The following CKAP5 variants were observed in gnomAD, a reference collection of about 807,000 sequenced individuals.
CKAP5 encodes the protein cytoskeleton-associated protein 5.
Under a neutral mutation model 232.8 loss-of-function variants are expected in CKAP5, and 27 were observed. The ratio of observed to expected loss-of-function variants is 0.12; its 90% CI spans 0.09 to 0.16. CKAP5 has a LOEUF of 0.16. Ranked by LOEUF, CKAP5 falls within the 10% of genes least tolerant of loss-of-function variation. The pLI, the probability that CKAP5 is intolerant of heterozygous loss-of-function variation, is 1.00. For missense variants in CKAP5, 1,838 were observed against 2,424.7 expected (o/e 0.76, Z 5.08); for synonymous variants, 785 against 841.1 (o/e 0.93, Z 1.16).
At chr11:46,812,405 C>G (rs964123787) in intron 4 of CKAP5, among the ~76,000 whole-genome samples, 1 of 152,094 alleles carries the variant, frequency 6.6e-6, no homozygotes, top group Non-Finnish European at 1.5e-5. Flanking sequence ...TTTTCAAGTT[C>G]CCAACTGGCC....
Position 46,744,590 on chromosome 11 carries a change from A to T in CKAP5, c.5705-13T>A, listed in dbSNP as rs566141257. The T allele has an allele frequency of 1.2e-5, 19 of 1,612,248 alleles. No homozygotes were observed. The highest frequency in any genetic ancestry group is 4.5e-5 in the East Asian group (2 of 44,848). On this transcript the variant is annotated splice_polypyrimidine_tract_variant and intron_variant, in intron 42 of 43. Transcript: ENST00000529230. ...TGAGGGGAGATGCCTAGAGGGGAAA[A>T]AGTAGAAAGAATATTCAGATATCCA... is the stretch of plus-strand genomic sequence containing the variant.
intron 35 of CKAP5, among the ~76,000 whole-genome samples, chr11:46,757,869 A>G (rs924205819): frequency 2.0e-5 from 3 of 146,414 alleles, no homozygotes; most frequent in South Asian, 2.1e-4. Flanking sequence ...TACAGGTGTG[A>G]GCCACCACAC....
At chr11:46,789,964 C>T (rs1284047752) in intron 15 of CKAP5, 112 bp downstream of exon 15, 11 of 639,870 alleles carry the variant, frequency 1.7e-5, no homozygotes, top group Non-Finnish European at 2.8e-5. Flanking sequence ...TGCCATAAAA[C>T]GTGTTCACCG....
At chr11:46,787,223 T>C (rs1431352751) in intron 16 of CKAP5, among the ~76,000 whole-genome samples, 1 of 152,122 alleles carries the variant, frequency 6.6e-6, no homozygotes, top group Non-Finnish European at 1.5e-5. Flanking sequence ...ATTTAGCCTT[T>C]GTGGAGCTGG....
In CKAP5 at chr11:46,763,184, A is replaced by G; in HGVS notation, c.3688-5T>C. On this transcript the variant is annotated splice_region_variant and splice_polypyrimidine_tract_variant and intron_variant, in intron 29 of 43. Coordinates refer to ENST00000529230, the MANE Select transcript of CKAP5 (RefSeq NM_001008938.4). ...TTCTTTTTCACTCTCCAAGTGCTTA[A>G]AATAAAACAAAACAAAACTCCCACA... 1 of 1,579,866 alleles carries G rather than the reference A, an allele frequency of 6.3e-7. No homozygotes were observed. The highest frequency in any genetic ancestry group is 8.6e-7 in the Non-Finnish European group (1 of 1,158,866).
At chr11:46,769,507 G>A (rs1389140937) in intron 26 of CKAP5, among the ~76,000 whole-genome samples, 2 of 151,970 alleles carry the variant, frequency 1.3e-5, no homozygotes, top group Non-Finnish European at 1.5e-5. Context: ...ACCAACCTGC[G>A]CATCACAACA....
intron 16 of CKAP5, among the ~76,000 whole-genome samples, chr11:46,787,194 C>T (rs2065402828): frequency 6.6e-6 from 1 of 152,070 alleles, no homozygotes; most frequent in Non-Finnish European, 1.5e-5. Context: ...AAGAGGGCAC[C>T]TCAAGAATCT....
rs568561820 is a variant in CKAP5 at position 46,755,125 on chromosome 11, A to G, written c.4690-58T>C. On this transcript the variant is annotated intron_variant, in intron 35 of 43. Transcript: ENST00000529230. ...AGCTTCATACTTCTAAAATAGCGGA[A>G]GACACTATATGAAACTTCTCCATAA... The G allele has an allele frequency of 2.9e-6, 4 of 1,364,810 alleles. No homozygotes were observed. In the South Asian group the frequency reaches 5.7e-5, roughly 19 times the overall value. 84.5% of individuals were successfully genotyped at this position (1,364,810 alleles called of 1,614,324 possible).
chr11:46,751,632 T>C, intron 38 of CKAP5, 98 bp from the exon 39 acceptor site: 2 of 1,010,160 alleles, frequency 2.0e-6, no homozygotes, highest in Admixed American at 2.4e-5. Context: ...TTCTAAAAGA[T>C]GGCCAGGGCT....
intron 8 of CKAP5, chr11:46,802,151 C>T (rs986105565): frequency 6.6e-6 from 1 of 152,216 alleles, no homozygotes; most frequent in Admixed American, 6.5e-5. Flanking sequence ...GCTGCCACTT[C>T]AGTCATCTAA....
intron 42 of CKAP5, 58 bp from the exon 43 acceptor site, chr11:46,744,635 G>A: frequency 6.6e-7 from 1 of 1,509,386 alleles, no homozygotes; most frequent in Admixed American, 1.9e-5. Context: ...CTTCTAAAGT[G>A]CCTTGGTTAA....
chr11:46,779,546 G>C (rs2065321251), intron 20 of CKAP5, among the ~76,000 whole-genome samples: 1 of 152,162 alleles, frequency 6.6e-6, no homozygotes, highest in African/African-American at 2.4e-5. Context: ...GCCCAGGCTG[G>C]AGTGCAGTGG....
intron 4 of CKAP5, 108 bp downstream of exon 4, chr11:46,816,090 C>T (rs1939392804): frequency 3.5e-6 from 3 of 864,756 alleles, no homozygotes; most frequent in African/African-American, 1.7e-5. Context: ...CCCATCCCCC[C>T]AACACACAAT....
chr11:46,765,231 C>T lies in CKAP5; in HGVS notation c.3437G>A (p.Ser1146Asn), dbSNP rs1258263175. The change falls in exon 28 of 44, where the codon AGC (serine) becomes AAC (asparagine). Residue 1146 changes from serine (S) to asparagine (N), a missense_variant. By Grantham distance (46) the Ser-to-Asn change is conservative (BLOSUM62 1). This residue lies in a region of CKAP5 where 767 missense variants were observed against 954.6 expected (regional missense o/e 0.80). Transcript: ENST00000529230. ...AKSAQGKKMP[S>N]KTSLKEDEDK... Reference sequence around the variant, plus strand: ...TTCATCCTCCTTTAAGCTGGTTTTGCTTGGCATCTTCTTCCCTTGTGCACT... The same window carrying T: ...TTCATCCTCCTTTAAGCTGGTTTTGTTTGGCATCTTCTTCCCTTGTGCACT... 1 of 1,612,248 alleles carries T rather than the reference C, an allele frequency of 6.2e-7. No homozygotes were observed. The highest frequency in any genetic ancestry group is 8.5e-7 in the Non-Finnish European group (1 of 1,179,350).
intron 42 of CKAP5, among the ~76,000 whole-genome samples, chr11:46,746,892 T>A (rs897713403): frequency 3.3e-5 from 5 of 152,178 alleles, no homozygotes. Flanking sequence ...TTTGGGAGGC[T>A]GAGGTGGGGG....
At position 46,795,695 on chromosome 11, in the gene CKAP5, G is replaced by C; in HGVS notation, c.1549C>G (p.Leu517Val). The change falls in exon 13 of 44, where the codon CTG (leucine) becomes GTG (valine). Residue 517 changes from leucine (L) to valine (V), a missense_variant. Around this residue, in one of 6 missense-constraint regions of CKAP5, gnomAD observed 767 missense variants for 954.6 expected, o/e 0.80. Coordinates refer to ENST00000529230, the MANE Select transcript of CKAP5 (RefSeq NM_001008938.4). ...CCTGAAGCAGCAGTCCTTCCAGGCA[G>C]AGGTTTGAATTCCTTCTTATCAGCA... ...LAADKKEFKP[L>V]PGRTAASGAA... The C allele has an allele frequency of 1.2e-6, 2 of 1,614,132 alleles. No individual in the cohort carries two copies. Among genetic ancestry groups the C allele is most frequent in the South Asian group, 1.1e-5 (1 of 91,080 alleles).
intron 8 of CKAP5, among the ~76,000 whole-genome samples, chr11:46,805,614 T>G (rs369345175): frequency 6.6e-6 from 1 of 152,184 alleles, no homozygotes; most frequent in African/African-American, 2.4e-5. Context: ...AAAGTTTGTG[T>G]GTACATATAA....
At position 46,788,751 on chromosome 11, in the gene CKAP5, G is replaced by T; in HGVS notation, c.1898C>A (p.Thr633Asn). 6.2e-7 allele frequency: 1 copy of T among 1,608,246 alleles called. No individual in the cohort carries two copies. Among genetic ancestry groups the T allele is most frequent in the Non-Finnish European group, 8.5e-7 (1 of 1,177,908 alleles). Residue 633 changes from threonine (T) to asparagine (N), a missense_variant, in exon 16 of 44, where the codon ACT becomes AAT. By Grantham distance (65) the Thr-to-Asn change is moderately conservative. Transcript: ENST00000529230. ...FQKAVELMDR[T>N]EMPCQALVRM... The stretch of plus-strand genomic sequence containing the variant: ...CACTAATGCCTGGCATGGCATTTCA[G>T]TTCGGTCCATTAGCTCAACAGCCTT...
At chr11:46,817,060 C>T (rs180687806) in intron 3 of CKAP5, among the ~76,000 whole-genome samples, 2,227 of 150,580 alleles carry the variant, frequency 0.015, 19 homozygotes, top group Non-Finnish European at 0.02. Flanking sequence ...GAGCCAAGAT[C>T]GCGCCATTGC....
Sources: gnomAD v4.1 joint callset for allele counts (sites outside exome capture counted in the v4.1 genomes callset) on GRCh38, gnomAD v4.1.1 for gene constraint, gnomAD v4.1.1 regional missense constraint, MANE v1.5 for transcripts, NCBI Gene and HGNC (gene_info 2026-07-23, HGNC 2026-07-21) for gene names.